The following PRKN variants were observed in gnomAD, a reference collection of about 807,000 sequenced individuals.
PRKN encodes parkin RBR E3 ubiquitin protein ligase, also known as E3 ubiquitin-protein ligase parkin.
Under a neutral mutation model 59.5 loss-of-function variants are expected in PRKN, and 56 were observed. The ratio of observed to expected loss-of-function variants is 0.94; its 90% CI spans 0.76 to 1.18. The LOEUF is 1.18. Ranked by LOEUF, PRKN falls within the 50% of genes most tolerant of loss-of-function variation. The probability of loss-of-function intolerance (pLI) is 0.00; values close to 1 mark genes in which losing one functional copy is unlikely to be tolerated. For synonymous variants in PRKN, 250 were observed against 222.1 expected (o/e 1.13, Z -1.12); for missense variants, 657 against 596.4 (o/e 1.10, Z -1.06).
intron 5 of PRKN, among the ~76,000 whole-genome samples, chr6:162,016,393 C>T (rs191484042): frequency 4.6e-5 from 7 of 152,184 alleles, no homozygotes. Context: ...GACAAAATAT[C>T]CTCTTTGAAA....
chr6:161,347,582 G>A lies in PRKN; in HGVS notation c.*2517C>T, dbSNP rs147210030. 5 of 145,032 alleles carry A rather than the reference G, an allele frequency of 3.4e-5. 1 individual carries two copies. Among genetic ancestry groups the A allele is most frequent in the African/African-American group, 1.3e-4 (5 of 38,764 alleles). 9.0% of individuals were successfully genotyped at this position (145,032 alleles called of 1,614,324 possible). A position where few individuals can be genotyped will look rare whatever the true frequency, so the allele number is the denominator to read the frequency against. ...CTGTGCAAATAATACTGTGATTCAT[G>A]TTCATGTGTAGTGGATGATCTTGCT... On this transcript the variant is annotated 3_prime_UTR_variant, in exon 12 of 12. Transcript: ENST00000366898.
chr6:162,015,013 C>G (rs201077072), intron 5 of PRKN, among the ~76,000 whole-genome samples: 8 of 152,088 alleles, frequency 5.3e-5, no homozygotes, highest in Non-Finnish European at 1.2e-4. Flanking sequence ...AACATGTTCA[C>G]GTTGTAGAAA....
At chr6:162,449,308 C>G (rs527352832) in intron 1 of PRKN, among the ~76,000 whole-genome samples, 2 of 152,314 alleles carry the variant, frequency 1.3e-5, no homozygotes, top group South Asian at 4.1e-4. Flanking sequence ...TATTCCTACC[C>G]TCTTTGATCC....
At chr6:162,568,019 G>C (rs933964307) in intron 1 of PRKN, among the ~76,000 whole-genome samples, 2 of 152,170 alleles carry the variant, frequency 1.3e-5, no homozygotes, top group Admixed American at 1.3e-4. Flanking sequence ...CTGGGAAAAA[G>C]AGTTTCTTCA....
intron 5 of PRKN, among the ~76,000 whole-genome samples, chr6:162,003,633 G>A (rs1346749403): frequency 1.3e-5 from 2 of 152,034 alleles, no homozygotes; most frequent in African/African-American, 2.4e-5. Context: ...GAGGGTATTC[G>A]TTCATTTTTA....
At chr6:162,146,502 A>G (rs1236912032) in intron 4 of PRKN, among the ~76,000 whole-genome samples, 1 of 150,764 alleles carries the variant, frequency 6.6e-6, no homozygotes, top group East Asian at 1.9e-4. Flanking sequence ...TACACATTAT[A>G]TATATATAAA....
intron 6 of PRKN, among the ~76,000 whole-genome samples, chr6:161,837,107 A>G (rs978560653): frequency 2.0e-5 from 3 of 152,062 alleles, no homozygotes; most frequent in African/African-American, 7.2e-5. Flanking sequence ...AGCATAGGGG[A>G]CGCTCTGCCT....
At chr6:161,733,880 T>A (rs1472896582) in intron 7 of PRKN, among the ~76,000 whole-genome samples, 1 of 149,006 alleles carries the variant, frequency 6.7e-6, no homozygotes, top group Non-Finnish European at 1.5e-5. Context: ...ACTACAAGTC[T>A]GTCTCCAAAA....
At position 162,472,770 on chromosome 6, in the gene PRKN, T is replaced by C. The variant is rs1459449410; in HGVS notation, c.8-29297A>G. ...CCTCCCAAAGTGCTGGGATTACAGG[T>C]GTGAGCCACCGCGCCCGGCCCCAAA... On this transcript the variant is annotated intron_variant, in intron 1 of 11. Coordinates refer to ENST00000366898, the MANE Select transcript of PRKN (RefSeq NM_004562.3). Among the ~76,000 whole-genome samples the C allele has an allele frequency of 4.6e-5, 5 of 108,500 alleles. 1 individual carries two copies. Among genetic ancestry groups the C allele is most frequent in the Admixed American group, 3.9e-4 (4 of 10,134 alleles). 71.2% of individuals were successfully genotyped at this position (108,500 alleles called of 152,430 possible). A position where few individuals can be genotyped will look rare whatever the true frequency, so the allele number is the denominator to read the frequency against.
chr6:162,709,836 G>T (rs1332829334), intron 1 of PRKN, among the ~76,000 whole-genome samples: 3 of 127,734 alleles, frequency 2.3e-5, no homozygotes, highest in Non-Finnish European at 4.7e-5. Flanking sequence ...TTGGGTCCAG[G>T]AATATAAAAA....
rs370211222 is a variant in PRKN at position 161,440,126 on chromosome 6, G to T, written c.1084-53249C>A. 2.4e-3 allele frequency among the ~76,000 whole-genome samples: 362 copies of T among 150,184 alleles called. 2 individuals carry two copies. The highest frequency in any genetic ancestry group is 8.3e-3 in the African/African-American group (339 of 40,812). On this transcript the variant is annotated intron_variant, in intron 9 of 11. Coordinates refer to ENST00000366898, the MANE Select transcript of PRKN (RefSeq NM_004562.3). The surrounding 1 kb of genome is among the most constrained non-coding windows in gnomAD (Gnocchi z 4.1). ...CCACCACGCCCGGCTAATTTTTTTT[G>T]GTATTTTTAGTAGAGACGGGGTTTC...
chr6:162,351,392 C>T (rs1476435496), intron 2 of PRKN, among the ~76,000 whole-genome samples: 5 of 152,152 alleles, frequency 3.3e-5, no homozygotes, highest in Non-Finnish European at 7.3e-5. Context: ...TACTACTACA[C>T]ACCTGTCAAA....
At chr6:161,712,800 A>C (rs764692785) in intron 7 of PRKN, among the ~76,000 whole-genome samples, 1 of 152,166 alleles carries the variant, frequency 6.6e-6, no homozygotes, top group Non-Finnish European at 1.5e-5. Context: ...CAAAAACAAA[A>C]ACAAAAACAA....
intron 5 of PRKN, among the ~76,000 whole-genome samples, chr6:162,052,087 G>C (rs1777668155): frequency 6.6e-6 from 1 of 152,054 alleles, no homozygotes; most frequent in South Asian, 2.1e-4. Context: ...AGGAATGACT[G>C]TATTATCAAA....
chr6:162,083,519 C>T (rs773264524), intron 4 of PRKN, among the ~76,000 whole-genome samples: 10 of 152,040 alleles, frequency 6.6e-5, no homozygotes, highest in Non-Finnish European at 1.2e-4. Flanking sequence ...GAATCTTGCA[C>T]AACATCTGTA....
intron 6 of PRKN, among the ~76,000 whole-genome samples, chr6:161,862,458 G>T (rs1322430994): frequency 6.6e-6 from 1 of 152,140 alleles, no homozygotes; most frequent in Non-Finnish European, 1.5e-5. Flanking sequence ...TTAACATAAT[G>T]GAAGGTTAAA....
At chr6:162,377,992 A>G (rs1224062430) in intron 2 of PRKN, among the ~76,000 whole-genome samples, 2 of 152,206 alleles carry the variant, frequency 1.3e-5, no homozygotes, top group African/African-American at 4.8e-5. Context: ...CTCTCCCAGC[A>G]GAGTGTGGGC....
chr6:162,389,017 A>AC (rs1787016587), intron 2 of PRKN, among the ~76,000 whole-genome samples: 1 of 151,118 alleles, frequency 6.6e-6, no homozygotes, highest in Admixed American at 6.6e-5. Flanking sequence ...GAAAAAAAAA[A>AC]AAAAAAACAA....
At chr6:161,577,810 G>T (rs1239568325) in intron 7 of PRKN, among the ~76,000 whole-genome samples, 7 of 152,162 alleles carry the variant, frequency 4.6e-5, no homozygotes, top group Admixed American at 4.6e-4. Flanking sequence ...TCAGCTTCTA[G>T]TGGCTATGAG....
Sources: gnomAD v4.1 joint callset for allele counts (sites outside exome capture counted in the v4.1 genomes callset) on GRCh38, gnomAD v4.1.1 for gene constraint, Gnocchi (gnomAD v3.1) non-coding constraint, MANE v1.5 for transcripts, NCBI Gene and HGNC (gene_info 2026-07-23, HGNC 2026-07-21) for gene names.